PIP4K2A: variants seen among roughly 807,000 people sequenced by gnomAD.
The protein encoded by PIP4K2A is phosphatidylinositol 5-phosphate 4-kinase type-2 alpha.
In PIP4K2A, 14 loss-of-function variants were observed where a neutral mutation model predicts 42.9. The ratio of observed to expected loss-of-function variants is 0.33; its 90% CI spans 0.22 to 0.51. PIP4K2A has a LOEUF of 0.51. Ranked by LOEUF, PIP4K2A falls within the 20% of genes least tolerant of loss-of-function variation. The pLI, the probability that PIP4K2A is intolerant of heterozygous loss-of-function variation, is 0.97. For missense variants in PIP4K2A, 434 were observed against 519.8 expected, an observed-to-expected ratio of 0.83 and a Z score of 1.61; for synonymous variants, 192 against 192.2, an observed-to-expected ratio of 1.00 and a Z score of 0.01.
chr10:22,564,718 A>G (rs928184973), intron 6 of PIP4K2A, among the ~76,000 whole-genome samples: 1 of 152,218 alleles, frequency 6.6e-6, no homozygotes, highest in African/African-American at 2.4e-5. Flanking sequence ...TGAATTCTCA[A>G]AATGTACATT....
intron 1 of PIP4K2A, among the ~76,000 whole-genome samples, chr10:22,617,569 A>C (rs1838202030): frequency 6.6e-6 from 1 of 152,256 alleles, no homozygotes; most frequent in Non-Finnish European, 1.5e-5. Flanking sequence ...AAAAAGTACC[A>C]AAAAAGCCTC....
intron 1 of PIP4K2A, among the ~76,000 whole-genome samples, chr10:22,620,980 C>A (rs1367243722): frequency 6.6e-6 from 1 of 152,216 alleles, no homozygotes; most frequent in Non-Finnish European, 1.5e-5. Flanking sequence ...TAATCAAAGG[C>A]ATTGCAAGTT....
intron 6 of PIP4K2A, among the ~76,000 whole-genome samples, chr10:22,550,983 A>G (rs1346204836): frequency 3.3e-4 from 50 of 152,214 alleles, no homozygotes; most frequent in Admixed American, 3.2e-3. Context: ...AAGCATTCGC[A>G]AGAGCAGTGG....
rs117862040 is a variant in PIP4K2A, at chr10:22,680,745, C to T, written c.144+33438G>A. Among the ~76,000 whole-genome samples the T allele has an allele frequency of 4.8e-3, 735 of 152,250 alleles. 3 individuals are homozygous for T. The highest frequency in any genetic ancestry group is 0.019 in the South Asian group (93 of 4,822). Reference sequence around the variant, plus strand: ...AGCGAGGGCTGGTGATCCAAGGTGACCCTACACATGTATTGAGGTCTTGGT... The same window carrying T: ...AGCGAGGGCTGGTGATCCAAGGTGATCCTACACATGTATTGAGGTCTTGGT... On this transcript the variant is annotated intron_variant, in intron 1 of 9. Transcript: ENST00000376573.
chr10:22,599,381 GA>G (rs1837701919), intron 3 of PIP4K2A, among the ~76,000 whole-genome samples: 1 of 152,130 alleles, frequency 6.6e-6, no homozygotes, highest in African/African-American at 2.4e-5. Flanking sequence ...GCCCATTCTG[GA>G]CATTTCATAT....
intron 1 of PIP4K2A, among the ~76,000 whole-genome samples, chr10:22,681,654 G>C (rs559397442): frequency 1.3e-5 from 2 of 151,856 alleles, no homozygotes; most frequent in East Asian, 3.9e-4. Context: ...TAGCCTGTGT[G>C]ACAGAGCAAG....
At chr10:22,539,694 G>A in intron 9 of PIP4K2A, 1 of 361,030 alleles carries the variant, frequency 2.8e-6, no homozygotes, top group East Asian at 4.5e-5. Context: ...AAGTGACTTC[G>A]CTGGAAGCCA....
intron 1 of PIP4K2A, among the ~76,000 whole-genome samples, chr10:22,668,170 T>G (rs748036620): frequency 1.3e-5 from 2 of 152,200 alleles, no homozygotes; most frequent in African/African-American, 2.4e-5. Context: ...CAGGCTGGTC[T>G]TGAACTCCTG....
At chr10:22,558,812 G>C (rs529972350) in intron 6 of PIP4K2A, among the ~76,000 whole-genome samples, 1 of 152,332 alleles carries the variant, frequency 6.6e-6, no homozygotes, top group South Asian at 2.1e-4. Context: ...TTGTGAAACA[G>C]TGCTGTAAGT....
intron 1 of PIP4K2A, among the ~76,000 whole-genome samples, chr10:22,706,014 GC>G (rs1833816928): frequency 6.6e-6 from 1 of 151,844 alleles, no homozygotes; most frequent in African/African-American, 2.4e-5. Context: ...TGAACACCCA[GC>G]AAAAGGAGAA....
intron 1 of PIP4K2A, among the ~76,000 whole-genome samples, chr10:22,667,587 G>A (rs1157681320): frequency 6.6e-6 from 1 of 152,112 alleles, no homozygotes; most frequent in Non-Finnish European, 1.5e-5. Flanking sequence ...TGCTTCTCAT[G>A]TCACATTCCA....
chr10:22,562,940 G>A (rs545359951), intron 6 of PIP4K2A, among the ~76,000 whole-genome samples: 1 of 152,166 alleles, frequency 6.6e-6, no homozygotes, highest in Non-Finnish European at 1.5e-5. Context: ...CGCTGGGGAC[G>A]TGGTCGGTGA....
chr10:22,540,557 T>C (rs972163305), intron 8 of PIP4K2A, among the ~76,000 whole-genome samples: 2 of 152,186 alleles, frequency 1.3e-5, no homozygotes, highest in Non-Finnish European at 2.9e-5. Context: ...TCCACTCCAA[T>C]GTCTATTTTC....
intron 1 of PIP4K2A, among the ~76,000 whole-genome samples, chr10:22,671,788 T>A (rs1443178351): frequency 7.1e-6 from 1 of 140,524 alleles, no homozygotes; most frequent in Admixed American, 6.9e-5. Flanking sequence ...GGTCTAGGAC[T>A]CTCCTCCAAG....
intron 1 of PIP4K2A, among the ~76,000 whole-genome samples, chr10:22,657,937 T>C (rs1467200065): frequency 6.6e-6 from 1 of 152,262 alleles, no homozygotes; most frequent in Non-Finnish European, 1.5e-5. Context: ...AATCATTTTT[T>C]AGCTGGACGT....
In PIP4K2A at chr10:22,558,650, G is replaced by C. The variant is rs16922454; in HGVS notation, c.679-7878C>G. Among the ~76,000 whole-genome samples the C allele has an allele frequency of 9.7e-3, 1,483 of 152,290 alleles. 29 individuals are homozygous for C. Among genetic ancestry groups the C allele is most frequent in the African/African-American group, 0.034 (1,422 of 41,542 alleles). ...TATACAAGTTCATGGTTTGAGAAAT[G>C]ATCTAAGAGGTCATTAATAACTTCT... is the stretch of plus-strand genomic sequence containing the variant. On this transcript the variant is annotated intron_variant, in intron 6 of 9. Transcript: ENST00000376573.
intron 3 of PIP4K2A, 70 bp from the exon 4 acceptor site, chr10:22,591,851 T>A: frequency 7.6e-7 from 1 of 1,316,542 alleles, no homozygotes; most frequent in South Asian, 1.6e-5. Context: ...GCTTTCCGAT[T>A]CCCAGATAAT....
At position 22,625,097 on chromosome 10, in the gene PIP4K2A, A is replaced by AT. The variant is rs552028675; in HGVS notation, c.145-15381dup. The stretch of plus-strand genomic sequence containing the variant: ...GGCGAGATGTGTTGAGAAAAGGAGC[A>AT]TAATAATTTCGTATGATTTAGTAAA... On this transcript the variant is annotated intron_variant, in intron 1 of 9. Coordinates refer to ENST00000376573, the MANE Select transcript of PIP4K2A (RefSeq NM_005028.5). Among the ~76,000 whole-genome samples, 235 of 152,296 alleles carry AT rather than the reference A, an allele frequency of 1.5e-3. 1 individual carries two copies. Among genetic ancestry groups the AT allele is most frequent in the African/African-American group, 5.4e-3 (223 of 41,538 alleles).
At chr10:22,617,456 A>C (rs1036652274) in intron 1 of PIP4K2A, among the ~76,000 whole-genome samples, 3 of 152,266 alleles carry the variant, frequency 2.0e-5, no homozygotes, top group African/African-American at 7.2e-5. Context: ...CCTGAGAGGC[A>C]TTATTAATGG....
Sources: allele counts gnomAD v4.1 joint callset (sites outside exome capture counted in the v4.1 genomes callset), GRCh38; gene constraint gnomAD v4.1.1; transcripts MANE v1.5; gene names NCBI Gene and HGNC (gene_info 2026-07-23, HGNC 2026-07-21).